The following TBC1D31 variants were observed in gnomAD, a reference collection of about 807,000 sequenced individuals.
TBC1D31 encodes the protein WD repeat domain 67.
TBC1D31 carries 99 observed loss-of-function variants against 132.9 expected under a neutral mutation model. The observed-to-expected ratio is 0.74, with a 90% confidence interval of 0.63 to 0.88. The LOEUF (loss-of-function observed/expected upper bound fraction) is 0.88. Ranked by LOEUF, TBC1D31 falls within the 40% of genes least tolerant of loss-of-function variation. The pLI is 0.00. For missense variants in TBC1D31, 1,134 were observed against 1,256.6 expected (o/e 0.90, Z 1.48); for synonymous variants, 385 against 419.4 (o/e 0.92, Z 1.00).
intron 11 of TBC1D31, among the ~76,000 whole-genome samples, chr8:123,124,548 A>AT (rs763998039): frequency 1.7e-4 from 26 of 152,132 alleles, no homozygotes; most frequent in Non-Finnish European, 2.6e-4. Flanking sequence ...GCCTTTGGGT[A>AT]TATGTGTGGT....
chr8:123,158,349 T>G, the TBC1D31 span, among the ~76,000 whole-genome samples: 4 of 152,224 alleles, frequency 2.6e-5, no homozygotes, highest in African/African-American at 9.6e-5. Flanking sequence ...TTTCGCCGTA[T>G]GTACATTTAT....
At chr8:123,133,819 C>T (rs568399778) in intron 16 of TBC1D31, among the ~76,000 whole-genome samples, 1 of 152,320 alleles carries the variant, frequency 6.6e-6, no homozygotes, top group South Asian at 2.1e-4. Context: ...GTTTTTCTAA[C>T]TCATGATATT....
chr8:123,121,191 C>G (rs996052077), intron 11 of TBC1D31, among the ~76,000 whole-genome samples: 3 of 152,086 alleles, frequency 2.0e-5, no homozygotes, highest in African/African-American at 7.2e-5. Flanking sequence ...CTCCTGACCC[C>G]AAGTGATCCG....
At chr8:123,144,028 G>T (rs1207017972) in intron 19 of TBC1D31, among the ~76,000 whole-genome samples, 3 of 152,082 alleles carry the variant, frequency 2.0e-5, no homozygotes, top group African/African-American at 7.2e-5. Flanking sequence ...AACATGAAAG[G>T]GATGGATTTC....
At chr8:123,138,857 T>C (rs1277604726) in intron 17 of TBC1D31, among the ~76,000 whole-genome samples, 1 of 152,220 alleles carries the variant, frequency 6.6e-6, no homozygotes, top group Non-Finnish European at 1.5e-5. Context: ...TCACCCAGGC[T>C]GGAGTGCAGT....
At chr8:123,072,924 C>T in intron 1 of TBC1D31, 78 bp downstream of exon 1, 3 of 1,424,886 alleles carry the variant, frequency 2.1e-6, no homozygotes, top group South Asian at 2.5e-5. Context: ...CGTCAGGCAG[C>T]GTTCCGGGTT....
At position 123,129,078 on chromosome 8, in the gene TBC1D31, A is replaced by C. The variant is rs769858295; in HGVS notation, c.2130A>C (p.Glu710Asp). 18 of 1,594,382 alleles carry C rather than the reference A, an allele frequency of 1.1e-5. No homozygotes were observed. The East Asian group carries it at 4.0e-4, about 36-fold the overall frequency. Residue 710 changes from glutamate to aspartate, a missense_variant, in exon 15 of 22, where the codon GAA (glutamate) becomes GAC (aspartate). By Grantham distance (45) the Glu-to-Asp change is conservative (BLOSUM62 2). Transcript: ENST00000287380. ...TTACCTACTTAAGGCAGACAGTTGA[A>C]GATATGCAAGCTAAAGTCGACCAGC... Reference protein sequence around the residue: ...LDYLRERQTVEDMQAKVDQQR... With the variant: ...LDYLRERQTVDDMQAKVDQQR...
chr8:123,146,458 A>G (rs1387356420), intron 20 of TBC1D31, among the ~76,000 whole-genome samples: 1 of 152,112 alleles, frequency 6.6e-6, no homozygotes, highest in Non-Finnish European at 1.5e-5. Context: ...ACTTGGCATA[A>G]TGTCTTGAGA....
rs868405123 is a variant in TBC1D31, at chr8:123,149,757, C to T, written c.2975-279C>T. Among the ~76,000 whole-genome samples the T allele has an allele frequency of 6.6e-5, 10 of 152,186 alleles. No homozygotes were observed. The East Asian group carries it at 1.2e-3, about 18-fold the overall frequency. On this transcript the variant is annotated intron_variant, in intron 20 of 21. Transcript: ENST00000287380. ...CAGGGAAGCCTTGCTGATCACATTTCGTAATCTCTATCTTAATATCCATAT... is the reference window on the plus strand; with the variant it reads ...CAGGGAAGCCTTGCTGATCACATTTTGTAATCTCTATCTTAATATCCATAT...
At chr8:123,160,159 TG>T in the TBC1D31 span, among the ~76,000 whole-genome samples, 1 of 152,210 alleles carries the variant, frequency 6.6e-6, no homozygotes, top group Non-Finnish European at 1.5e-5. Context: ...AGGCTCTTCT[TG>T]GCTGTGACAA....
intron 11 of TBC1D31, among the ~76,000 whole-genome samples, chr8:123,121,486 G>C (rs532069701): frequency 6.6e-6 from 1 of 152,284 alleles, no homozygotes; most frequent in African/African-American, 2.4e-5. Flanking sequence ...GACCATGAGG[G>C]TGAATCATTC....
chr8:123,156,400 C>T (rs953535249), downstream of TBC1D31, among the ~76,000 whole-genome samples: 2 of 149,180 alleles, frequency 1.3e-5, no homozygotes, highest in African/African-American at 5.0e-5. Context: ...AAGACCATGC[C>T]GCTACAGTCC....
At position 123,128,561 on chromosome 8, in the gene TBC1D31, T is replaced by C. The variant is rs553167452; in HGVS notation, c.2117+48T>C. On this transcript the variant is annotated intron_variant, in intron 14 of 21. Coordinates refer to ENST00000287380, the MANE Select transcript of TBC1D31 (RefSeq NM_145647.4). ...TTTTCTGATACAATGAAATATGTTA[T>C]AAACATAAGAAAGTTTTAATGAAAA... is the stretch of plus-strand genomic sequence containing the variant. The C allele has an allele frequency of 7.6e-5, 97 of 1,282,626 alleles. No homozygotes were observed. The East Asian group carries it at 2.3e-3, about 30-fold the overall frequency. 79.5% of individuals were successfully genotyped at this position (1,282,626 alleles called of 1,614,324 possible).
At chr8:123,126,404 T>G in intron 12 of TBC1D31, 104 bp from the exon 13 acceptor site, 1 of 1,210,856 alleles carries the variant, frequency 8.3e-7, no homozygotes, top group Non-Finnish European at 1.1e-6. Context: ...ATTATGTATT[T>G]AATATGATTT....
chr8:123,150,294 T>C (rs976934270), intron 21 of TBC1D31, among the ~76,000 whole-genome samples, 166 bp downstream of exon 21: 1 of 152,158 alleles, frequency 6.6e-6, no homozygotes, highest in Non-Finnish European at 1.5e-5. Context: ...GATTCCTCAG[T>C]GGGAGAACTG....
chr8:123,073,388 G>C (rs1298352396), intron 1 of TBC1D31: 1 of 456,156 alleles, frequency 2.2e-6, no homozygotes, highest in Non-Finnish European at 4.4e-6. Flanking sequence ...GACGGCGATG[G>C]AACAAAACAC....
chr8:123,082,550 A>G (rs1027145095), intron 2 of TBC1D31, 152 bp from the exon 3 acceptor site: 1 of 600,834 alleles, frequency 1.7e-6, no homozygotes, highest in African/African-American at 1.9e-5. Context: ...ACTCCTTAAT[A>G]TGGCACATAG....
intron 17 of TBC1D31, 32 bp from the exon 18 acceptor site, chr8:123,140,729 T>C (rs994212415): frequency 3.5e-5 from 54 of 1,557,860 alleles, no homozygotes; most frequent in Non-Finnish European, 4.4e-5. Flanking sequence ...TTATATAAAT[T>C]AGTGATTTTT....
At chr8:123,143,583 G>A (rs1027377530) in intron 19 of TBC1D31, among the ~76,000 whole-genome samples, 1 of 152,156 alleles carries the variant, frequency 6.6e-6, no homozygotes, top group Admixed American at 6.5e-5. Flanking sequence ...CTCTGTTGCT[G>A]TATCACAATG....
Sources: allele counts gnomAD v4.1 joint callset (sites outside exome capture counted in the v4.1 genomes callset), GRCh38; gene constraint gnomAD v4.1.1; transcripts MANE v1.5; gene names NCBI Gene and HGNC (gene_info 2026-07-23, HGNC 2026-07-21).